SPMIP4: variants seen among roughly 807,000 people sequenced by gnomAD.
SPMIP4 encodes the protein sperm-associated microtubule inner protein 4.
chr7:25,176,464 C>T, the SPMIP4 span, among the ~76,000 whole-genome samples: 1 of 152,158 alleles, frequency 6.6e-6, no homozygotes, highest in African/African-American at 2.4e-5. This position sits in a 1 kb window ranked among gnomAD's most constrained non-coding sequence, Gnocchi z 4.4. Flanking sequence ...GGGCTGAAAA[C>T]CACTCTTGTG....
chr7:25,166,363 G>A, the SPMIP4 span, among the ~76,000 whole-genome samples: 147 of 151,428 alleles, frequency 9.7e-4, 1 homozygote, highest in East Asian at 3.3e-3. Context: ...CCAGGTGGGC[G>A]GATCATGAGG....
the SPMIP4 span, among the ~76,000 whole-genome samples, chr7:25,148,675 A>G: frequency 1.3e-5 from 2 of 151,994 alleles, no homozygotes; most frequent in East Asian, 3.9e-4. Context: ...GTGTTCCGCC[A>G]TGTTGGTCAG....
At chr7:25,144,217 T>C in the SPMIP4 span, among the ~76,000 whole-genome samples, 2 of 152,240 alleles carry the variant, frequency 1.3e-5, no homozygotes, top group African/African-American at 4.8e-5. Context: ...TTTCACTAAA[T>C]AGTTAAATTT....
At chr7:25,137,301 C>CTTTTTTTTTTTTT in the SPMIP4 span, among the ~76,000 whole-genome samples, 1 of 127,090 alleles carries the variant, frequency 7.9e-6, no homozygotes, top group East Asian at 2.2e-4. Flanking sequence ...GCTGAATTTT[C>CTTTTTTTTTTTTT]TTTTTTTTTT....
the SPMIP4 span, among the ~76,000 whole-genome samples, chr7:25,170,403 A>G: frequency 6.6e-6 from 1 of 152,218 alleles, no homozygotes; most frequent in African/African-American, 2.4e-5. Context: ...TTTGCGTTAC[A>G]AGAGTTCTTT....
chr7:25,171,631 G>C, the SPMIP4 span, among the ~76,000 whole-genome samples: 1 of 152,324 alleles, frequency 6.6e-6, no homozygotes, highest in East Asian at 1.9e-4. Context: ...GACAGAAAGG[G>C]ATAAGTGCTA....
chr7:25,135,630 A>G, the SPMIP4 span: 1 of 849,886 alleles, frequency 1.2e-6, no homozygotes, highest in South Asian at 5.3e-5. Context: ...CAGCTTTTCA[A>G]TTTTTTTTGG....
chr7:25,131,994 G>A, the SPMIP4 span, among the ~76,000 whole-genome samples: 7 of 152,156 alleles, frequency 4.6e-5, no homozygotes, highest in Admixed American at 2.0e-4. This position sits in a 1 kb window ranked among gnomAD's most constrained non-coding sequence, Gnocchi z 4.2. Context: ...AGCTCAGCTC[G>A]AGCGAGCCTT....
chr7:25,136,305 G>A, the SPMIP4 span: 3 of 1,614,154 alleles, frequency 1.9e-6, no homozygotes, highest in Admixed American at 5.0e-5. This position sits in a 1 kb window ranked among gnomAD's most constrained non-coding sequence, Gnocchi z 5.7. Flanking sequence ...GGCTAACAGG[G>A]TCTGGACACA....
At chr7:25,126,273 C>T in the SPMIP4 span, among the ~76,000 whole-genome samples, 1 of 152,116 alleles carries the variant, frequency 6.6e-6, no homozygotes, top group Non-Finnish European at 1.5e-5. Context: ...CATTCTTCTT[C>T]AGTGGCGCCA....
the SPMIP4 span, among the ~76,000 whole-genome samples, chr7:25,156,207 A>G: frequency 6.6e-6 from 1 of 152,114 alleles, no homozygotes; most frequent in Non-Finnish European, 1.5e-5. Flanking sequence ...ATGCATCTAC[A>G]AGCCAAGGAG....
At chr7:25,166,372 G>A in the SPMIP4 span, among the ~76,000 whole-genome samples, 2 of 151,706 alleles carry the variant, frequency 1.3e-5, no homozygotes, top group East Asian at 1.9e-4. Context: ...CGGATCATGA[G>A]GTCAGGAGAT....
chr7:25,127,482 A>AT, the SPMIP4 span, among the ~76,000 whole-genome samples: 1 of 152,084 alleles, frequency 6.6e-6, no homozygotes, highest in Admixed American at 6.5e-5. Context: ...AAGGGACTGC[A>AT]TTTTTTAGTA....
the SPMIP4 span, chr7:25,161,316 G>A: frequency 2.1e-6 from 2 of 939,838 alleles, no homozygotes; most frequent in Non-Finnish European, 3.2e-6. Flanking sequence ...ACAATATAAT[G>A]GTGAGATAGT....
chr7:25,158,216 A>T, the SPMIP4 span, among the ~76,000 whole-genome samples: 4 of 151,612 alleles, frequency 2.6e-5, no homozygotes, highest in African/African-American at 9.7e-5. Flanking sequence ...AAAATTACAA[A>T]AATTAGCCAG....
the SPMIP4 span, among the ~76,000 whole-genome samples, chr7:25,141,574 GAAAAAAA>G: frequency 3.2e-5 from 3 of 94,960 alleles, no homozygotes; most frequent in Admixed American, 1.2e-4. Flanking sequence ...CTGTCTCAAG[GAAAAAAA>G]AAAAAAAAAA....
At chr7:25,145,596 A>G in the SPMIP4 span, among the ~76,000 whole-genome samples, 1 of 152,342 alleles carries the variant, frequency 6.6e-6, no homozygotes, top group East Asian at 1.9e-4. Flanking sequence ...GATATGGAAG[A>G]TAAGCCTACG....
At chr7:25,162,933 G>A in the SPMIP4 span, among the ~76,000 whole-genome samples, 41 of 152,100 alleles carry the variant, frequency 2.7e-4, no homozygotes, top group East Asian at 5.8e-4. Flanking sequence ...CATCGTGCCC[G>A]GCTAATTTCT....
chr7:25,168,961 A>T, the SPMIP4 span, among the ~76,000 whole-genome samples: 1 of 151,880 alleles, frequency 6.6e-6, no homozygotes, highest in South Asian at 2.1e-4. Context: ...TCCTGACCTC[A>T]GGTGATCCAC....
Sources: gnomAD v4.1 joint callset for allele counts (sites outside exome capture counted in the v4.1 genomes callset) on GRCh38, gnomAD v4.1.1 for gene constraint, Gnocchi (gnomAD v3.1) non-coding constraint, MANE v1.5 for transcripts, NCBI Gene and HGNC (gene_info 2026-07-23, HGNC 2026-07-21) for gene names.